Variants in RTRAF observed in about 807,000 individuals in gnomAD.
RTRAF encodes tRNA-splicing ligase complex subunit RTRAF.
A neutral mutation model predicts 34.4 loss-of-function variants in RTRAF; 14 were observed. That is an observed-to-expected ratio of 0.41 (90% CI 0.27 to 0.64). The LOEUF is 0.64. Ranked by LOEUF, RTRAF falls within the 30% of genes least tolerant of loss-of-function variation. RTRAF has a pLI of 0.34. For synonymous variants in RTRAF, 96 were observed against 95.3 expected (o/e 1.01, Z -0.04); for missense variants, 291 against 288.4 (o/e 1.01, Z -0.06).
At chr14:51,995,567 A>G (rs1394051993) in intron 3 of RTRAF, among the ~76,000 whole-genome samples, 1 of 152,168 alleles carries the variant, frequency 6.6e-6, no homozygotes, top group African/African-American at 2.4e-5. Context: ...GGACATGGAC[A>G]TCTTGGGGGG....
rs1245454501 is a variant in RTRAF at position 52,004,567 on chromosome 14, C to CACTTCTGGCAT, written c.*52_*62dup. ...CTACTTAGTACAGTTGGGAACCATA[C>CACTTCTGGCAT]ACTTCTGGCATGTTTGGAAATCAAA... is the stretch of plus-strand genomic sequence containing the variant. On this transcript the variant is annotated 3_prime_UTR_variant, in exon 8 of 8. Coordinates refer to ENST00000261700, the MANE Select transcript of RTRAF (RefSeq NM_016039.3). 6.7e-7 allele frequency: 1 copy of CACTTCTGGCAT among 1,493,474 alleles called. No homozygotes were observed. Among genetic ancestry groups the CACTTCTGGCAT allele is most frequent in the African/African-American group, 1.4e-5 (1 of 70,172 alleles). 92.5% of individuals were successfully genotyped at this position (1,493,474 alleles called of 1,614,324 possible). A position where few individuals can be genotyped will look rare whatever the true frequency, so the allele number is the denominator to read the frequency against.
intron 2 of RTRAF, 55 bp downstream of exon 2, chr14:51,991,496 A>C: frequency 6.5e-7 from 1 of 1,532,526 alleles, no homozygotes; most frequent in Non-Finnish European, 8.9e-7. Context: ...AAAAATCATG[A>C]AGATGAGCTT....
Position 51,998,571 on chromosome 14 carries a change from A to C in RTRAF, c.364A>C (p.Asn122His), listed in dbSNP as rs745839804. 6.9e-6 allele frequency: 11 copies of C among 1,588,638 alleles called. No homozygotes were observed. Among genetic ancestry groups the C allele is most frequent in the Non-Finnish European group, 8.6e-6 (10 of 1,165,474 alleles). ...AACTAAAAATGCAGAACCATTGATC[A>C]ATTTGGATGGTGAGTATATAAATGC... ...NATKNAEPLI[N>H]LDVNNPDFKA... The change falls in exon 4 of 8, where the codon AAT becomes CAT. Residue 122 changes from asparagine to histidine, a missense_variant. Transcript: ENST00000261700.
intron 3 of RTRAF, among the ~76,000 whole-genome samples, chr14:51,995,324 G>A (rs116413861): frequency 1.5e-4 from 23 of 151,950 alleles, no homozygotes; most frequent in African/African-American, 5.5e-4. Context: ...AACTTCTAGA[G>A]GCTGCCTGAA....
rs1380932240 is a variant in RTRAF at position 52,001,859 on chromosome 14, C to G, written c.524C>G (p.Thr175Arg). 1 of 1,608,782 alleles carries G rather than the reference C, an allele frequency of 6.2e-7. No individual in the cohort carries two copies. The highest frequency in any genetic ancestry group is 2.2e-5 in the East Asian group (1 of 44,846). Reference sequence around the variant, plus strand: ...GATGCAGTTGCTAAGGCAAATCAAACAAAAGAGGTACGTTTCTATAAATCC... The same window carrying G: ...GATGCAGTTGCTAAGGCAAATCAAAGAAAAGAGGTACGTTTCTATAAATCC... ...TQDAVAKANQTKEGLPVALDK... is the reference protein window; with the variant it reads ...TQDAVAKANQRKEGLPVALDK... Residue 175 changes from threonine to arginine, a missense_variant, in exon 6 of 8, where the codon ACA (threonine) becomes AGA (arginine). Thr to Arg is a moderately conservative substitution (Grantham distance 71). Coordinates refer to ENST00000261700, the MANE Select transcript of RTRAF (RefSeq NM_016039.3).
In RTRAF at chr14:52,005,196, TTTAAATA is replaced by T. The variant is rs1594991209; in HGVS notation, c.*685_*691del. On this transcript the variant is annotated 3_prime_UTR_variant, in exon 8 of 8. Transcript: ENST00000261700. ...ATTCTTAGTTGAATGAATTTGATCTTTTAAATATTAATGATAAATGTTTACAAGAAGT... is the reference window on the plus strand; with the variant it reads ...ATTCTTAGTTGAATGAATTTGATCTTTTAATGATAAATGTTTACAAGAAGT... 6.8e-6 allele frequency: 2 copies of T among 292,118 alleles called. No homozygotes were observed. The highest frequency in any genetic ancestry group is 2.2e-5 in the African/African-American group (1 of 46,054). 18.1% of individuals were successfully genotyped at this position (292,118 alleles called of 1,614,324 possible). A position where few individuals can be genotyped will look rare whatever the true frequency, so the allele number is the denominator to read the frequency against.
chr14:51,993,204 A>G (rs1039450211), intron 2 of RTRAF, among the ~76,000 whole-genome samples: 2 of 152,134 alleles, frequency 1.3e-5, no homozygotes, highest in Admixed American at 6.5e-5. Context: ...AATTAATGTT[A>G]CATATAATAC....
At chr14:51,994,098 A>T (rs939887619) in intron 3 of RTRAF, among the ~76,000 whole-genome samples, 1 of 152,236 alleles carries the variant, frequency 6.6e-6, no homozygotes, top group Non-Finnish European at 1.5e-5. Context: ...CTTTCAAATT[A>T]AATTGTTTTT....
In RTRAF at chr14:51,989,611, C is replaced by T; in HGVS notation, c.-29C>T. On this transcript the variant is annotated 5_prime_UTR_variant, in exon 1 of 8. Transcript: ENST00000261700. ...TCGCTTCTTCTCTCCCGGCCGAGGC[C>T]CGGGGGACCAGAGCGAGAAGCGGGG... 2 of 1,587,350 alleles carry T rather than the reference C, an allele frequency of 1.3e-6. No individual in the cohort carries two copies. The highest frequency in any genetic ancestry group is 1.7e-6 in the Non-Finnish European group (2 of 1,167,466).
At chr14:51,992,735 T>C (rs1594984506) in intron 2 of RTRAF, among the ~76,000 whole-genome samples, 1 of 152,170 alleles carries the variant, frequency 6.6e-6, no homozygotes, top group East Asian at 1.9e-4. Context: ...CTGGAGAATA[T>C]AAAAAATTGT....
chr14:52,001,082 A>C (rs1352065602), intron 5 of RTRAF, among the ~76,000 whole-genome samples: 2 of 152,240 alleles, frequency 1.3e-5, no homozygotes, highest in Non-Finnish European at 2.9e-5. Context: ...CTATTTAATA[A>C]CATCTGCAAT....
chr14:51,997,712 TTTGATGTA>T (rs1890541807), intron 3 of RTRAF, among the ~76,000 whole-genome samples: 1 of 151,852 alleles, frequency 6.6e-6, no homozygotes, highest in African/African-American at 2.4e-5. Context: ...TGATGGTGTA[TTTGATGTA>T]TTGATTTTTT....
At chr14:51,996,569 A>G (rs896783060) in intron 3 of RTRAF, among the ~76,000 whole-genome samples, 2 of 152,036 alleles carry the variant, frequency 1.3e-5, no homozygotes, top group Non-Finnish European at 1.5e-5. Flanking sequence ...CAAGTCTACA[A>G]ATGTAGCGTG....
chr14:52,000,572 T>G (rs905192783), intron 5 of RTRAF, among the ~76,000 whole-genome samples: 1 of 152,206 alleles, frequency 6.6e-6, no homozygotes, highest in South Asian at 2.1e-4. Flanking sequence ...CCAGAAGAGA[T>G]TAAGCCATAA....
At chr14:51,999,092 G>C (rs1421898596) in intron 4 of RTRAF, among the ~76,000 whole-genome samples, 1 of 151,972 alleles carries the variant, frequency 6.6e-6, no homozygotes, top group Non-Finnish European at 1.5e-5. Flanking sequence ...CTGCTGCTTA[G>C]AGAGAAGGTT....
chr14:52,004,692 T>TAGAATTTTTA lies in RTRAF; in HGVS notation c.*177_*186dup. 1.7e-6 allele frequency: 1 copy of TAGAATTTTTA among 588,096 alleles called. No individual in the cohort carries two copies. Among genetic ancestry groups the TAGAATTTTTA allele is most frequent in the Non-Finnish European group, 2.8e-6 (1 of 352,468 alleles). The allele number at this position is 588,096 out of a possible 1,614,324, so 36.4% of individuals were successfully genotyped here. ...TTTTCTTTAATAAAGTTTAGGAAAG[T>TAGAATTTTTA]AGAATTTTTATTATGTACTGTATGT... On this transcript the variant is annotated 3_prime_UTR_variant, in exon 8 of 8. Coordinates refer to ENST00000261700, the MANE Select transcript of RTRAF (RefSeq NM_016039.3).
intron 3 of RTRAF, among the ~76,000 whole-genome samples, chr14:51,995,810 T>TAA (rs566927231): frequency 6.9e-6 from 1 of 145,526 alleles, no homozygotes. Context: ...CCATTTAATT[T>TAA]AAAAAAAAAA....
chr14:51,992,650 ATGTT>A (rs762386020), intron 2 of RTRAF, among the ~76,000 whole-genome samples: 20 of 152,168 alleles, frequency 1.3e-4, no homozygotes, highest in Non-Finnish European at 2.8e-4. Context: ...TTAGGATTTT[ATGTT>A]TGTTTATATT....
intron 2 of RTRAF, among the ~76,000 whole-genome samples, chr14:51,991,906 G>A (rs1187986842): frequency 6.6e-6 from 1 of 152,106 alleles, no homozygotes; most frequent in Non-Finnish European, 1.5e-5. Flanking sequence ...GTCTCTACAA[G>A]AAAATAGAAA....
Sources: allele counts gnomAD v4.1 joint callset (sites outside exome capture counted in the v4.1 genomes callset), GRCh38; gene constraint gnomAD v4.1.1; transcripts MANE v1.5; gene names NCBI Gene and HGNC (gene_info 2026-07-23, HGNC 2026-07-21).